The following MSRA variants were observed in gnomAD, a reference collection of about 807,000 sequenced individuals.
MSRA encodes mitochondrial peptide methionine sulfoxide reductase.
A neutral mutation model predicts 31.3 loss-of-function variants in MSRA; 54 were observed. The ratio of observed to expected loss-of-function variants is 1.73; its 90% CI spans 1.39 to 2.17. The LOEUF (loss-of-function observed/expected upper bound fraction) is 2.17, where lower values mean the gene tolerates loss of function less well. MSRA is among the 30% of genes most tolerant of loss of function. MSRA has a pLI of 0.00. For missense variants in MSRA, 507 were observed against 300.9 expected (o/e 1.69, Z -5.07); for synonymous variants, 169 against 116.5 (o/e 1.45, Z -2.90).
chr8:10,294,979 G>A, intron 3 of MSRA, among the ~76,000 whole-genome samples: 1 of 152,156 alleles, frequency 6.6e-6, no homozygotes, highest in East Asian at 1.9e-4. Context: ...GAAACTGGGA[G>A]GTTGCTGAGA....
intron 1 of MSRA, among the ~76,000 whole-genome samples, chr8:10,062,362 G>C (rs1349508898): frequency 6.6e-6 from 1 of 152,122 alleles, no homozygotes; most frequent in East Asian, 1.9e-4. Context: ...TGAAAGTTGT[G>C]GATCTTCTAC....
In MSRA at chr8:10,137,896, C is replaced by T. The variant is rs1238388679; in HGVS notation, c.143-69937C>T. Reference sequence around the variant, plus strand: ...TGTTTTTATACATTGTTTTATTTGACCCTGAAGAAGAGACCGCAAAGGCAT... The same window carrying T: ...TGTTTTTATACATTGTTTTATTTGATCCTGAAGAAGAGACCGCAAAGGCAT... On this transcript the variant is annotated intron_variant, in intron 1 of 5. Transcript: ENST00000317173. 3.3e-5 allele frequency among the ~76,000 whole-genome samples: 5 copies of T among 152,232 alleles called. No homozygotes were observed. In the East Asian group the frequency reaches 9.6e-4, roughly 29 times the overall value.
Position 10,428,725 on chromosome 8 carries a change from A to G in MSRA, c.*413A>G, listed in dbSNP as rs145518349. On this transcript the variant is annotated 3_prime_UTR_variant, in exon 6 of 6. Transcript: ENST00000317173. The stretch of plus-strand genomic sequence containing the variant: ...TATAGCCTCAGTGACTCATTCGCTG[A>G]AATCCTTCGCTTTACCAAATCTAGA... 31 of 195,734 alleles carry G rather than the reference A, an allele frequency of 1.6e-4. No homozygotes were observed. The highest frequency in any genetic ancestry group is 2.0e-3 in the Middle Eastern group (1 of 496). The allele number at this position is 195,734 out of a possible 1,614,324, so 12.1% of individuals were successfully genotyped here.
At chr8:10,154,787 T>G (rs538807815) in intron 1 of MSRA, among the ~76,000 whole-genome samples, 1 of 152,148 alleles carries the variant, frequency 6.6e-6, no homozygotes, top group Non-Finnish European at 1.5e-5. Context: ...TGTATGAAGA[T>G]CATTTAAAGA....
At chr8:10,368,826 T>C (rs2129169123) in intron 5 of MSRA, among the ~76,000 whole-genome samples, 1 of 152,346 alleles carries the variant, frequency 6.6e-6, no homozygotes, top group Non-Finnish European at 1.5e-5. Context: ...CTTGTCACTT[T>C]TCCCTTCTGC....
At chr8:10,113,704 C>T (rs1479375146) in intron 1 of MSRA, among the ~76,000 whole-genome samples, 1 of 151,300 alleles carries the variant, frequency 6.6e-6, no homozygotes, top group Non-Finnish European at 1.5e-5. Flanking sequence ...TTTATGGTGA[C>T]ACCAATCTGT....
chr8:10,149,485 G>A (rs535153864), intron 1 of MSRA, among the ~76,000 whole-genome samples: 3 of 152,194 alleles, frequency 2.0e-5, no homozygotes, highest in Non-Finnish European at 4.4e-5. Context: ...TCCAGGGCCT[G>A]TGCTGATTGA....
chr8:10,288,662 A>C (rs1275397498), intron 3 of MSRA, among the ~76,000 whole-genome samples: 1 of 152,132 alleles, frequency 6.6e-6, no homozygotes, highest in Non-Finnish European at 1.5e-5. Context: ...ACAAATCTGA[A>C]GTTCTTAGTT....
At chr8:10,333,823 G>A (rs1462212101) in intron 5 of MSRA, among the ~76,000 whole-genome samples, 1 of 151,702 alleles carries the variant, frequency 6.6e-6, no homozygotes, top group Non-Finnish European at 1.5e-5. Flanking sequence ...CCCCCACGCT[G>A]AGTGGGACCT....
intron 1 of MSRA, among the ~76,000 whole-genome samples, chr8:10,077,430 G>A (rs1012738905): frequency 6.8e-6 from 1 of 146,910 alleles, no homozygotes; most frequent in African/African-American, 2.5e-5. Flanking sequence ...TCTAAATTTT[G>A]TACTACTGTT....
At position 10,428,318 on chromosome 8, in the gene MSRA, C is replaced by G. The variant is rs753478223; in HGVS notation, c.*6C>G. 6.2e-7 allele frequency: 1 copy of G among 1,611,864 alleles called. No homozygotes were observed. The highest frequency in any genetic ancestry group is 8.5e-7 in the Non-Finnish European group (1 of 1,179,450). On this transcript the variant is annotated 3_prime_UTR_variant, in exon 6 of 6. Coordinates refer to ENST00000317173, the MANE Select transcript of MSRA (RefSeq NM_012331.5). ...CAGTGGGTATTAAAAAATAATTTCT[C>G]CCCACATGGTGGGCCTTTGAGGTTC... is the stretch of plus-strand genomic sequence containing the variant.
At chr8:10,241,599 G>T (rs1371437617) in intron 2 of MSRA, among the ~76,000 whole-genome samples, 1 of 152,120 alleles carries the variant, frequency 6.6e-6, no homozygotes, top group Non-Finnish European at 1.5e-5. Context: ...TCATTATAAG[G>T]TATGAAAATG....
At chr8:10,228,783 C>T (rs942478788) in intron 2 of MSRA, among the ~76,000 whole-genome samples, 2 of 152,202 alleles carry the variant, frequency 1.3e-5, no homozygotes, top group African/African-American at 4.8e-5. Flanking sequence ...GTAGCATCTT[C>T]CTTGTAGGGT....
intron 2 of MSRA, among the ~76,000 whole-genome samples, chr8:10,232,178 C>G (rs1224917408): frequency 6.6e-6 from 1 of 152,084 alleles, no homozygotes; most frequent in Non-Finnish European, 1.5e-5. Context: ...GGGGAAAGAG[C>G]TGGAAGAGAG....
chr8:10,229,128 G>A (rs1260760047), intron 2 of MSRA, among the ~76,000 whole-genome samples: 1 of 152,168 alleles, frequency 6.6e-6, no homozygotes, highest in African/African-American at 2.4e-5. Context: ...GACAGATTAA[G>A]GCTTCAGACA....
intron 1 of MSRA, among the ~76,000 whole-genome samples, chr8:10,147,569 G>A (rs1015410801): frequency 1.3e-5 from 2 of 152,212 alleles, no homozygotes; most frequent in African/African-American, 2.4e-5. Flanking sequence ...ACCGTGTACA[G>A]GGTAGAAGGG....
chr8:10,265,421 T>C (rs1798694428), intron 3 of MSRA, among the ~76,000 whole-genome samples: 1 of 152,138 alleles, frequency 6.6e-6, no homozygotes, highest in South Asian at 2.1e-4. Context: ...AATAGTGACC[T>C]ATGCCTCTCA....
chr8:10,237,189 C>T lies in MSRA; in HGVS notation c.212-7915C>T, dbSNP rs981828903. Reference sequence around the variant, plus strand: ...TCTCCTCTGCTAAGAGGAAACAATACTGAAGTTGTTTTTCTTGTGGCATTT... The same window carrying T: ...TCTCCTCTGCTAAGAGGAAACAATATTGAAGTTGTTTTTCTTGTGGCATTT... On this transcript the variant is annotated intron_variant, in intron 2 of 5. Coordinates refer to ENST00000317173, the MANE Select transcript of MSRA (RefSeq NM_012331.5). Among the ~76,000 whole-genome samples, 5 of 152,206 alleles carry T rather than the reference C, an allele frequency of 3.3e-5. No individual in the cohort carries two copies. The East Asian group carries it at 5.8e-4, about 18-fold the overall frequency.
At chr8:10,054,798 G>A in intron 1 of MSRA, 140 bp downstream of exon 1, 3 of 961,652 alleles carry the variant, frequency 3.1e-6, no homozygotes, top group Non-Finnish European at 4.1e-6. Context: ...GCGCAGGCGC[G>A]AAGGGGCGCC....
Sources: gnomAD v4.1 joint callset for allele counts (sites outside exome capture counted in the v4.1 genomes callset) on GRCh38, gnomAD v4.1.1 for gene constraint, MANE v1.5 for transcripts, NCBI Gene and HGNC (gene_info 2026-07-23, HGNC 2026-07-21) for gene names.